The following MDGA2 variants were observed in gnomAD, a reference collection of about 807,000 sequenced individuals.
The protein encoded by MDGA2 is MAM domain containing glycosylphosphatidylinositol anchor 2.
A neutral mutation model predicts 117.8 loss-of-function variants in MDGA2; 40 were observed. The ratio of observed to expected loss-of-function variants is 0.34; its 90% CI spans 0.26 to 0.44. The LOEUF is 0.44. Among genes scored for constraint, MDGA2 ranks in the 20% least tolerant of loss-of-function variants. MDGA2 has a pLI of 1.00. For synonymous variants in MDGA2, 452 were observed against 439.0 expected (o/e 1.03, Z -0.37); for missense variants, 1,123 against 1,250.6 (o/e 0.90, Z 1.54).
intron 9 of MDGA2, among the ~76,000 whole-genome samples, chr14:46,931,490 T>C (rs1223941030): frequency 6.6e-6 from 1 of 151,284 alleles, no homozygotes; most frequent in Non-Finnish European, 1.5e-5. Context: ...AGAAAAAAAA[T>C]GTGTTTCATT....
chr14:46,936,967 TA>T (rs1884805138), intron 9 of MDGA2, among the ~76,000 whole-genome samples: 1 of 151,944 alleles, frequency 6.6e-6, no homozygotes, highest in Non-Finnish European at 1.5e-5. Context: ...GAGAAAAAAG[TA>T]AAAGGCATCC....
In MDGA2 at chr14:47,103,022, G is replaced by GCA. The variant is rs539181280; in HGVS notation, c.926-5901_926-5900dup. ...AGGAAGGGGTAGGCGGTAAGTGAAA[G>GCA]CACCCCTATCAATCAAGATATGGGT... On this transcript the variant is annotated intron_variant, in intron 5 of 16. Coordinates refer to ENST00000399232, the MANE Select transcript of MDGA2 (RefSeq NM_001113498.3). Among the ~76,000 whole-genome samples the GCA allele has an allele frequency of 7.9e-5, 12 of 152,256 alleles. No individual in the cohort carries two copies. In the South Asian group the frequency reaches 2.5e-3, roughly 32 times the overall value.
intron 8 of MDGA2, among the ~76,000 whole-genome samples, chr14:46,974,992 T>C (rs1304422309): frequency 6.6e-6 from 1 of 151,934 alleles, no homozygotes; most frequent in African/African-American, 2.4e-5. Flanking sequence ...TAAAAACTCC[T>C]AAAACTCAAC....
chr14:47,041,781 TCTTTA>T (rs1248382482), intron 7 of MDGA2, among the ~76,000 whole-genome samples: 1 of 152,100 alleles, frequency 6.6e-6, no homozygotes, highest in Admixed American at 6.6e-5. Flanking sequence ...TTATCTTTAT[TCTTTA>T]CTTAGAAAAT....
At chr14:47,559,052 TA>T (rs1432686330) in intron 1 of MDGA2, among the ~76,000 whole-genome samples, 30 of 152,334 alleles carry the variant, frequency 2.0e-4, no homozygotes, top group African/African-American at 6.3e-4. Context: ...CATTAATCAA[TA>T]AGACCTTAGA....
intron 2 of MDGA2, among the ~76,000 whole-genome samples, chr14:47,265,127 A>G (rs771129065): frequency 6.6e-6 from 1 of 152,200 alleles, no homozygotes; most frequent in African/African-American, 2.4e-5. Flanking sequence ...AATTACCACT[A>G]TAATGGCATT....
At chr14:47,373,506 C>A (rs1452203992) in intron 1 of MDGA2, among the ~76,000 whole-genome samples, 1 of 152,036 alleles carries the variant, frequency 6.6e-6, no homozygotes, top group Admixed American at 6.6e-5. Flanking sequence ...CATGATACAG[C>A]ATCAGTGAAC....
intron 2 of MDGA2, among the ~76,000 whole-genome samples, chr14:47,251,127 C>T (rs1048895347): frequency 1.3e-5 from 2 of 152,176 alleles, no homozygotes; most frequent in Non-Finnish European, 2.9e-5. Context: ...TATTATGGAG[C>T]TTTAAAATGC....
chr14:47,364,134 T>A (rs1891182552), intron 1 of MDGA2, among the ~76,000 whole-genome samples: 1 of 152,204 alleles, frequency 6.6e-6, no homozygotes, highest in Non-Finnish European at 1.5e-5. Context: ...TTTCAGGTAA[T>A]CATTTCAGTG....
chr14:47,573,215 T>C (rs1287330596), intron 1 of MDGA2, among the ~76,000 whole-genome samples: 1 of 152,198 alleles, frequency 6.6e-6, no homozygotes, highest in Non-Finnish European at 1.5e-5. Flanking sequence ...AAAATATCAA[T>C]GAAAAGATGA....
In MDGA2 at chr14:47,636,784, C is replaced by CAAAAAAAA. The variant is rs56313968; in HGVS notation, c.280+37725_280+37732dup. ...TGGGCGACAGAGCGAGACTCCGTCT[C>CAAAAAAAA]AAAAAAAAAAAAAAAAAAAAAAAAA... On this transcript the variant is annotated intron_variant, in intron 1 of 16. Transcript: ENST00000399232. Among the ~76,000 whole-genome samples, 10 of 45,996 alleles carry CAAAAAAAA rather than the reference C, an allele frequency of 2.2e-4. 1 individual carries two copies. The highest frequency in any genetic ancestry group is 3.2e-4 in the Non-Finnish European group (9 of 28,516). The allele number at this position is 45,996 out of a possible 152,430, so 30.2% of individuals were successfully genotyped here.
chr14:47,008,618 G>A (rs1403683196), intron 8 of MDGA2, among the ~76,000 whole-genome samples: 4 of 151,910 alleles, frequency 2.6e-5, no homozygotes, highest in Admixed American at 2.6e-4. Context: ...AGAAATTTTG[G>A]CCCCAGTTCT....
intron 1 of MDGA2, among the ~76,000 whole-genome samples, chr14:47,442,969 T>A (rs984108268): frequency 6.6e-6 from 1 of 152,158 alleles, no homozygotes; most frequent in African/African-American, 2.4e-5. Flanking sequence ...AGTTATCAGA[T>A]GGACTGTCAC....
At chr14:47,132,400 C>A (rs1460914536) in intron 4 of MDGA2, among the ~76,000 whole-genome samples, 1 of 151,820 alleles carries the variant, frequency 6.6e-6, no homozygotes, top group Non-Finnish European at 1.5e-5. Flanking sequence ...AGATCTAAAA[C>A]TGAAGGAAAG....
rs1274023341 is a variant in MDGA2 at position 46,845,838 on chromosome 14, C to T, written c.2917G>A (p.Glu973Lys). Residue 973 changes from glutamate to lysine, a missense_variant, in exon 16 of 17, where the codon GAA (glutamate) becomes AAA (lysine). Coordinates refer to ENST00000399232, the MANE Select transcript of MDGA2 (RefSeq NM_001113498.3). Reference sequence around the variant, plus strand: ...ACATCATCAATAGCAATGTCACCTTCTATTCCAGGACCTCGGATACCTTCA... The same window carrying T: ...ACATCATCAATAGCAATGTCACCTTTTATTCCAGGACCTCGGATACCTTCA... ...IFEGIRGPGI[E>K]GDIAIDDVSI... 1 of 1,613,526 alleles carries T rather than the reference C, an allele frequency of 6.2e-7. No homozygotes were observed. Among genetic ancestry groups the T allele is most frequent in the Non-Finnish European group, 8.5e-7 (1 of 1,179,640 alleles).
chr14:46,896,359 A>G (rs540003157), intron 10 of MDGA2, among the ~76,000 whole-genome samples: 1 of 152,274 alleles, frequency 6.6e-6, no homozygotes, highest in Admixed American at 6.5e-5. Flanking sequence ...ACACAAATGT[A>G]TAAATAGAGA....
At chr14:47,577,714 T>C (rs1896141907) in intron 1 of MDGA2, among the ~76,000 whole-genome samples, 1 of 152,080 alleles carries the variant, frequency 6.6e-6, no homozygotes, top group South Asian at 2.1e-4. Flanking sequence ...ATTAGAGAAA[T>C]GCAAATCAAA....
At chr14:47,482,694 C>A (rs1351442957) in intron 1 of MDGA2, among the ~76,000 whole-genome samples, 1 of 152,018 alleles carries the variant, frequency 6.6e-6, no homozygotes. Context: ...ATATTATTGA[C>A]CACCTTCTAA....
At chr14:47,637,133 G>A (rs1220582553) in intron 1 of MDGA2, among the ~76,000 whole-genome samples, 1 of 152,050 alleles carries the variant, frequency 6.6e-6, no homozygotes, top group Admixed American at 6.6e-5. Context: ...TATTTTATCT[G>A]CATTTTATAA....
Sources: gnomAD v4.1 joint callset for allele counts (sites outside exome capture counted in the v4.1 genomes callset) on GRCh38, gnomAD v4.1.1 for gene constraint, MANE v1.5 for transcripts, NCBI Gene and HGNC (gene_info 2026-07-23, HGNC 2026-07-21) for gene names.